The following CTNNA2 variants were observed in gnomAD, a reference collection of about 807,000 sequenced individuals.
CTNNA2 encodes the protein catenin alpha-2.
CTNNA2 carries 42 observed loss-of-function variants against 101.0 expected under a neutral mutation model. The observed-to-expected ratio is 0.42, with a 90% confidence interval of 0.32 to 0.54. The LOEUF (loss-of-function observed/expected upper bound fraction) is 0.54. CTNNA2 is among the 20% of genes least tolerant of loss of function. The probability of loss-of-function intolerance (pLI) is 0.14; values close to 1 mark genes in which losing one functional copy is unlikely to be tolerated. For synonymous variants in CTNNA2, 450 were observed against 456.4 expected (o/e 0.99, Z 0.18); for missense variants, 871 against 1,223.1 (o/e 0.71, Z 4.29).
chr2:80,102,044 A>G (rs148323931), intron 7 of CTNNA2, among the ~76,000 whole-genome samples: 192 of 152,240 alleles, frequency 1.3e-3, no homozygotes, highest in African/African-American at 3.8e-3. Context: ...TGGCTCCCCT[A>G]TCAGCAAACT....
intron 7 of CTNNA2, among the ~76,000 whole-genome samples, chr2:80,033,417 T>A (rs1695434509): frequency 6.6e-6 from 1 of 150,884 alleles, no homozygotes; most frequent in Admixed American, 6.6e-5. Flanking sequence ...ACAAAAAAAA[T>A]TAGAAATTAG....
intron 4 of CTNNA2, among the ~76,000 whole-genome samples, chr2:79,861,314 A>ATT (rs1408418018): frequency 6.6e-6 from 1 of 152,118 alleles, no homozygotes; most frequent in Non-Finnish European, 1.5e-5. Context: ...CCAGATGTTA[A>ATT]TTTTTCTCAT....
intron 4 of CTNNA2, among the ~76,000 whole-genome samples, chr2:79,457,711 T>G (rs1411293597): frequency 6.6e-6 from 1 of 152,198 alleles, no homozygotes; most frequent in Non-Finnish European, 1.5e-5. Flanking sequence ...AAAGAGACAG[T>G]GCAGTAGGTT....
At chr2:80,433,695 C>G (rs1038450862) in intron 9 of CTNNA2, among the ~76,000 whole-genome samples, 1 of 152,120 alleles carries the variant, frequency 6.6e-6, no homozygotes, top group Non-Finnish European at 1.5e-5. Context: ...CCTTGAGGAC[C>G]ATTTTCCTCT....
intron 2 of CTNNA2, among the ~76,000 whole-genome samples, chr2:79,219,621 G>GT (rs1420744357): frequency 6.6e-6 from 1 of 152,124 alleles, no homozygotes; most frequent in East Asian, 1.9e-4. Context: ...TGAAACCAAA[G>GT]TGCATTTACA....
intron 12 of CTNNA2, among the ~76,000 whole-genome samples, chr2:80,556,169 CTTAA>C (rs1037908612): frequency 2.6e-5 from 4 of 152,112 alleles, no homozygotes; most frequent in African/African-American, 9.7e-5. Context: ...TTTCTGCTTA[CTTAA>C]TTATCTCCAA....
At chr2:79,202,474 C>G (rs1674049582) in intron 2 of CTNNA2, among the ~76,000 whole-genome samples, 1 of 152,124 alleles carries the variant, frequency 6.6e-6, no homozygotes, top group African/African-American at 2.4e-5. Flanking sequence ...TCCCAAACAT[C>G]TGGAACTACA....
At chr2:80,593,798 C>T (rs565902799) in intron 15 of CTNNA2, among the ~76,000 whole-genome samples, 58 of 152,230 alleles carry the variant, frequency 3.8e-4, no homozygotes, top group African/African-American at 1.3e-3. Flanking sequence ...GTAGCATATA[C>T]TCAAATGCGT....
chr2:79,389,701 A>G (rs550722357), intron 4 of CTNNA2, among the ~76,000 whole-genome samples: 15 of 152,290 alleles, frequency 9.8e-5, no homozygotes, highest in Non-Finnish European at 2.1e-4. Flanking sequence ...TTGGCTTAGG[A>G]TTTTTAAACA....
At chr2:80,351,087 A>G in intron 7 of CTNNA2, among the ~76,000 whole-genome samples, 1 of 152,246 alleles carries the variant, frequency 6.6e-6, no homozygotes, top group South Asian at 2.1e-4. Flanking sequence ...GAACACTCCT[A>G]CAACCATTGA....
intron 4 of CTNNA2, among the ~76,000 whole-genome samples, chr2:79,474,737 T>A (rs1024819140): frequency 6.6e-6 from 1 of 152,204 alleles, no homozygotes; most frequent in Admixed American, 6.5e-5. Context: ...GAATCAGAAG[T>A]GTGGTTTAAA....
chr2:80,363,648 A>G (rs1674634205), intron 7 of CTNNA2, among the ~76,000 whole-genome samples: 1 of 152,188 alleles, frequency 6.6e-6, no homozygotes, highest in Admixed American at 6.6e-5. Context: ...CCACATTCTT[A>G]TAATGGTGCG....
intron 4 of CTNNA2, among the ~76,000 whole-genome samples, chr2:79,403,121 T>C (rs1317920443): frequency 6.6e-6 from 1 of 151,722 alleles, no homozygotes; most frequent in Non-Finnish European, 1.5e-5. Flanking sequence ...AACTAAAGCA[T>C]AAATAAAGAA....
chr2:79,339,514 T>G (rs1226732785), intron 3 of CTNNA2: 1 of 152,230 alleles, frequency 6.6e-6, no homozygotes, highest in Non-Finnish European at 1.5e-5. Context: ...CTTTATATTA[T>G]TATGGTTCTT....
intron 15 of CTNNA2, among the ~76,000 whole-genome samples, chr2:80,602,312 G>C (rs1043965051): frequency 6.6e-6 from 1 of 151,794 alleles, no homozygotes; most frequent in Non-Finnish European, 1.5e-5. Context: ...AGCAGATTCA[G>C]GATCTATATA....
chr2:79,295,243 A>G (rs183556181), intron 2 of CTNNA2, among the ~76,000 whole-genome samples: 28 of 152,244 alleles, frequency 1.8e-4, no homozygotes, highest in Admixed American at 4.6e-4. Flanking sequence ...GATAACCTCA[A>G]CACTTACCTT....
Position 80,320,858 on chromosome 2 carries a change from C to T in CTNNA2, c.1057-72353C>T, listed in dbSNP as rs1478358298. 2.6e-5 allele frequency among the ~76,000 whole-genome samples: 4 copies of T among 151,914 alleles called. No homozygotes were observed. In the East Asian group the frequency reaches 7.7e-4, roughly 29 times the overall value. On this transcript the variant is annotated intron_variant, in intron 7 of 18. Coordinates refer to ENST00000402739, the MANE Select transcript of CTNNA2 (RefSeq NM_001282597.3). ...TATATAGTCCATATTTAGATGTGTC[C>T]AATTATTTCTCAATTTTTTTAAAGT... is the stretch of plus-strand genomic sequence containing the variant.
chr2:79,743,209 AC>A (rs1334474958), intron 2 of CTNNA2, among the ~76,000 whole-genome samples: 2 of 152,076 alleles, frequency 1.3e-5, no homozygotes, highest in Non-Finnish European at 2.9e-5. Flanking sequence ...ATGACTGGCA[AC>A]TTTTGTTGAA....
chr2:80,223,340 T>C (rs1311887440), intron 7 of CTNNA2, among the ~76,000 whole-genome samples: 1 of 152,224 alleles, frequency 6.6e-6, no homozygotes, highest in Non-Finnish European at 1.5e-5. Context: ...GGTGGCGCAA[T>C]CTCGGCTCAC....
Sources: allele counts gnomAD v4.1 joint callset (sites outside exome capture counted in the v4.1 genomes callset), GRCh38; gene constraint gnomAD v4.1.1; transcripts MANE v1.5; gene names NCBI Gene and HGNC (gene_info 2026-07-23, HGNC 2026-07-21).